Variants in SIMC1 observed in about 807,000 individuals in gnomAD.
The protein encoded by SIMC1 is SUMO-interacting motif-containing protein 1.
A neutral mutation model predicts 82.3 loss-of-function variants in SIMC1; 55 were observed. That is an observed-to-expected ratio of 0.67 (90% CI 0.54 to 0.84). SIMC1 has a LOEUF of 0.84. Ranked by LOEUF, SIMC1 falls within the 40% of genes least tolerant of loss-of-function variation. SIMC1 has a pLI of 0.00. For missense variants in SIMC1, 915 were observed against 1,107.2 expected, an observed-to-expected ratio of 0.83 and a Z score of 2.46; for synonymous variants, 353 against 426.3, an observed-to-expected ratio of 0.83 and a Z score of 2.12.
intron 4 of SIMC1, among the ~76,000 whole-genome samples, chr5:176,297,502 C>CAA (rs896827211): frequency 0.011 from 385 of 35,094 alleles, 2 homozygotes; most frequent in East Asian, 0.017. Context: ...AACTCTGTCT[C>CAA]AAAAAAAAAA....
At chr5:176,299,846 G>A (rs1442412295) in intron 4 of SIMC1, among the ~76,000 whole-genome samples, 1 of 152,150 alleles carries the variant, frequency 6.6e-6, no homozygotes, top group Non-Finnish European at 1.5e-5. Flanking sequence ...AGTGTACGTG[G>A]AATTTTCTCC....
At chr5:176,264,161 G>A (rs1762112213) in intron 1 of SIMC1, among the ~76,000 whole-genome samples, 1 of 152,262 alleles carries the variant, frequency 6.6e-6, no homozygotes, top group African/African-American at 2.4e-5. Flanking sequence ...TCCCACAGGT[G>A]GGAGTTGGGC....
At chr5:176,324,950 G>T (rs1428524427) in intron 7 of SIMC1, among the ~76,000 whole-genome samples, 193 bp downstream of exon 7, 1 of 152,116 alleles carries the variant, frequency 6.6e-6, no homozygotes, top group African/African-American at 2.4e-5. Context: ...TTTGACTTTT[G>T]GAAAGGAGGT....
At chr5:176,278,661 G>C (rs1442870798) in intron 1 of SIMC1, among the ~76,000 whole-genome samples, 4 of 76,382 alleles carry the variant, frequency 5.2e-5, no homozygotes, top group Admixed American at 3.0e-4. Context: ...TAGCATGAAG[G>C]GTTGTTGAAT....
intron 4 of SIMC1, among the ~76,000 whole-genome samples, chr5:176,299,690 T>A (rs1399223672): frequency 1.3e-5 from 2 of 152,176 alleles, no homozygotes; most frequent in Admixed American, 6.5e-5. Flanking sequence ...AGTAGGAGAT[T>A]CAGTACCCCA....
intron 7 of SIMC1, among the ~76,000 whole-genome samples, chr5:176,325,256 G>A (rs1333274908): frequency 1.3e-5 from 2 of 152,046 alleles, no homozygotes; most frequent in East Asian, 3.9e-4. Context: ...GCGTGGTGGT[G>A]CACACCTATA....
intron 1 of SIMC1, among the ~76,000 whole-genome samples, chr5:176,276,393 A>G (rs1460197450): frequency 1.3e-5 from 2 of 150,398 alleles, no homozygotes; most frequent in Non-Finnish European, 3.0e-5. Flanking sequence ...CTAGCGGTCT[A>G]TCAATTTTGT....
intron 6 of SIMC1, chr5:176,322,822 G>A (rs1237246117): frequency 6.3e-6 from 1 of 159,320 alleles, no homozygotes; most frequent in Non-Finnish European, 1.4e-5. Flanking sequence ...TCAAGGACCT[G>A]GGTTTCTCTC....
Position 176,324,711 on chromosome 5 carries a change from G to A in SIMC1, c.2125G>A (p.Glu709Lys), listed in dbSNP as rs745461076. The change falls in exon 7 of 10, where the codon GAG becomes AAG. Residue 709 changes from glutamate to lysine, a missense_variant. This residue lies in a region of SIMC1 where 902 missense variants were observed against 1,040.3 expected (regional missense o/e 0.87). Transcript: ENST00000429602. ...CACCTGCAGCTCCAATAAAATTGCC[G>A]AGATGATGTTTGGGTTTGTGCTGGA... ...TPTCSSNKIA[E>K]MMFGFVLDIP... 143 of 1,602,704 alleles carry A rather than the reference G, an allele frequency of 8.9e-5. No homozygotes were observed. Among genetic ancestry groups the A allele is most frequent in the Non-Finnish European group, 1.2e-4 (139 of 1,174,534 alleles).
chr5:176,290,339 G>T lies in SIMC1; in HGVS notation c.815G>T (p.Arg272Leu). The T allele has an allele frequency of 6.2e-7, 1 of 1,613,718 alleles. No individual in the cohort carries two copies. Among genetic ancestry groups the T allele is most frequent in the South Asian group, 1.1e-5 (1 of 91,056 alleles). ...CCACCTCAAGAAGTGCCATGCCCTC[G>T]GCAGAATATCCCAGGCCCACCTCAA... ...THPPQEVPCP[R>L]QNIPGPPQDS... is the part of the protein sequence containing the mutation. The change falls in exon 2 of 10, where the codon CGG becomes CTG. Residue 272 changes from arginine (R) to leucine (L), a missense_variant. Arg to Leu is a moderately radical substitution (Grantham distance 102). Around this residue, in one of 2 missense-constraint regions of SIMC1, gnomAD observed 902 missense variants for 1,040.3 expected, o/e 0.87. Coordinates refer to ENST00000429602, the MANE Select transcript of SIMC1 (RefSeq NM_001308195.2).
chr5:176,294,892 G>A, intron 2 of SIMC1, 138 bp from the exon 3 acceptor site: 1 of 1,223,408 alleles, frequency 8.2e-7, no homozygotes, highest in South Asian at 1.6e-5. Flanking sequence ...ATGAACTCGG[G>A]AGGCAGAGCT....
Position 176,296,236 on chromosome 5 carries a change from T to G in SIMC1, c.1665-15T>G. Reference sequence around the variant, plus strand: ...AAATTCTCCATAATTCTAATTGATTTCACTTGACTTTCAGGCTACATCCAG... The same window carrying G: ...AAATTCTCCATAATTCTAATTGATTGCACTTGACTTTCAGGCTACATCCAG... On this transcript the variant is annotated splice_polypyrimidine_tract_variant and intron_variant, in intron 3 of 9. Transcript: ENST00000429602. 4.4e-6 allele frequency: 7 copies of G among 1,607,952 alleles called. No homozygotes were observed. Among genetic ancestry groups the G allele is most frequent in the Non-Finnish European group, 5.9e-6 (7 of 1,176,680 alleles).
At chr5:176,284,819 A>T (rs532196523) in intron 1 of SIMC1, among the ~76,000 whole-genome samples, 2 of 152,346 alleles carry the variant, frequency 1.3e-5, no homozygotes, top group Admixed American at 1.3e-4. Flanking sequence ...AATACTATAA[A>T]CACCTCTATG....
chr5:176,247,748 T>C (rs1234514413), intron 1 of SIMC1, among the ~76,000 whole-genome samples: 1 of 150,148 alleles, frequency 6.7e-6, no homozygotes, highest in Non-Finnish European at 1.5e-5. Context: ...TAGGTTTACA[T>C]TTAAGTCTTT....
intron 4 of SIMC1, chr5:176,296,822 A>G (rs1221094466): frequency 6.5e-6 from 1 of 152,964 alleles, no homozygotes; most frequent in Non-Finnish European, 1.5e-5. Context: ...CCTCTCCTTG[A>G]GATCCCATTA....
At chr5:176,246,239 T>A (rs1211860902) in intron 1 of SIMC1, among the ~76,000 whole-genome samples, 1 of 152,026 alleles carries the variant, frequency 6.6e-6, no homozygotes, top group Non-Finnish European at 1.5e-5. Flanking sequence ...CTCAAACTGC[T>A]GACCTTGTGA....
chr5:176,324,890 C>A, intron 7 of SIMC1, 133 bp downstream of exon 7: 2 of 1,063,054 alleles, frequency 1.9e-6, no homozygotes, highest in African/African-American at 1.6e-5. Flanking sequence ...AGAGAAAATT[C>A]CAAACTAATT....
chr5:176,294,836 G>A, intron 2 of SIMC1, 194 bp from the exon 3 acceptor site: 1 of 623,544 alleles, frequency 1.6e-6, no homozygotes, highest in Non-Finnish European at 2.6e-6. Flanking sequence ...GTGGTGGTGG[G>A]CGCCTGTAGT....
In SIMC1 at chr5:176,289,631, T is replaced by C. The variant is rs201711425; in HGVS notation, c.130-23T>C. ...GCTAATACTCCCATCTTGACCTCTT[T>C]TCTTCACACAATCCTTCAACAGGAC... On this transcript the variant is annotated intron_variant, in intron 1 of 9. Transcript: ENST00000429602. 1,059 of 1,545,132 alleles carry C rather than the reference T, an allele frequency of 6.9e-4. 7 individuals are homozygous for C. In the African/African-American group the frequency reaches 0.013, roughly 18 times the overall value.
Sources: allele counts gnomAD v4.1 joint callset (sites outside exome capture counted in the v4.1 genomes callset), GRCh38; gene constraint gnomAD v4.1.1; regional missense constraint gnomAD v4.1.1; transcripts MANE v1.5; gene names NCBI Gene and HGNC (gene_info 2026-07-23, HGNC 2026-07-21).